The following CPSF4L variants were observed in gnomAD, a reference collection of about 807,000 sequenced individuals.
CPSF4L encodes putative cleavage and polyadenylation specificity factor subunit 4-like protein.
Under a neutral mutation model 24.0 loss-of-function variants are expected in CPSF4L, and 18 were observed. That is an observed-to-expected ratio of 0.75 (90% CI 0.52 to 1.11). The LOEUF (loss-of-function observed/expected upper bound fraction) is 1.11. Among genes scored for constraint, CPSF4L ranks in the 50% least tolerant of loss-of-function variants. CPSF4L has a pLI of 0.00. For synonymous variants in CPSF4L, 72 were observed against 77.2 expected, an observed-to-expected ratio of 0.93 and a Z score of 0.35; for missense variants, 211 against 221.8, an observed-to-expected ratio of 0.95 and a Z score of 0.31.
chr17:73,242,186 T>A, the CPSF4L span: 178 of 1,169,120 alleles, frequency 1.5e-4, no homozygotes, highest in Non-Finnish European at 2.1e-4. Flanking sequence ...GCACTGGATG[T>A]TAGGGAAGGG....
chr17:73,254,526 G>T (rs1239682862), intron 3 of CPSF4L, among the ~76,000 whole-genome samples: 1 of 152,140 alleles, frequency 6.6e-6, no homozygotes, highest in African/African-American at 2.4e-5. Flanking sequence ...CTACAGAGTG[G>T]GCACCTGCAT....
chr17:73,261,656 G>A lies in CPSF4L; in HGVS notation c.103+60C>T, dbSNP rs553542462. 457 of 1,188,948 alleles carry A rather than the reference G, an allele frequency of 3.8e-4. 4 individuals are homozygous for A. In the South Asian group the frequency reaches 4.7e-3, roughly 12 times the overall value. 73.6% of individuals were successfully genotyped at this position (1,188,948 alleles called of 1,614,324 possible). On this transcript the variant is annotated intron_variant, in intron 1 of 5. Coordinates refer to ENST00000344935, the MANE Select transcript of CPSF4L (RefSeq NM_001129885.1). The stretch of plus-strand genomic sequence containing the variant: ...AGCCTGGGCTACAGAGCGAGACTCC[G>A]TCTCAAAGAAAAAAAAACAGAGAAG...
At chr17:73,247,310 G>C, downstream of CPSF4L, 6 of 1,614,138 alleles carry the variant, frequency 3.7e-6, no homozygotes, top group Non-Finnish European at 5.1e-6. Flanking sequence ...AAGACGACTG[G>C]GGATTGCCGC....
intron 3 of CPSF4L, among the ~76,000 whole-genome samples, chr17:73,254,510 A>T (rs1319362086): frequency 6.6e-6 from 1 of 152,234 alleles, no homozygotes; most frequent in Non-Finnish European, 1.5e-5. Flanking sequence ...TATGAAAAGA[A>T]ACATTCTACA....
chr17:73,243,320 A>G, the CPSF4L span: 1 of 359,282 alleles, frequency 2.8e-6, no homozygotes, highest in Non-Finnish European at 5.4e-6. Flanking sequence ...ATGCCCGGCT[A>G]ATTTTGTATT....
At chr17:73,246,840 C>A (rs1300211519), downstream of CPSF4L, among the ~76,000 whole-genome samples, 1 of 152,156 alleles carries the variant, frequency 6.6e-6, no homozygotes, top group South Asian at 2.1e-4. Flanking sequence ...TTCATTGGAA[C>A]CCAGAACAAT....
At chr17:73,247,211 CT>C, downstream of CPSF4L, 1 of 1,601,546 alleles carries the variant, frequency 6.2e-7, no homozygotes, top group Non-Finnish European at 8.6e-7. Context: ...CCCTGAAAAG[CT>C]GAAAATATTT....
chr17:73,247,444 C>T, downstream of CPSF4L: 2 of 1,147,712 alleles, frequency 1.7e-6, no homozygotes, highest in Non-Finnish European at 2.6e-6. Flanking sequence ...GTAGTGGTAG[C>T]ATTAAGGGAT....
At chr17:73,260,232 G>A (rs1457845416) in intron 2 of CPSF4L, among the ~76,000 whole-genome samples, 3 of 152,134 alleles carry the variant, frequency 2.0e-5, no homozygotes, top group Non-Finnish European at 2.9e-5. Context: ...TCTTCTAGCT[G>A]GGAGGAAATC....
At chr17:73,250,030 A>G (rs1318554611) in intron 5 of CPSF4L, 2 of 463,432 alleles carry the variant, frequency 4.3e-6, no homozygotes, top group Non-Finnish European at 7.6e-6. Flanking sequence ...CGTTTTATGG[A>G]TAACTCGTTC....
chr17:73,259,567 T>C (rs1265387901), intron 2 of CPSF4L, among the ~76,000 whole-genome samples: 6 of 151,938 alleles, frequency 3.9e-5, no homozygotes, highest in Admixed American at 6.6e-5. Flanking sequence ...GCTTTCTTTC[T>C]TTGCAGAAGG....
At chr17:73,258,868 A>G (rs574273362) in intron 2 of CPSF4L, among the ~76,000 whole-genome samples, 2 of 152,290 alleles carry the variant, frequency 1.3e-5, no homozygotes, top group Non-Finnish European at 2.9e-5. Context: ...ATCTTTAAAA[A>G]CATCAAATGT....
chr17:73,253,176 A>G (rs954495213), intron 4 of CPSF4L, among the ~76,000 whole-genome samples: 54 of 152,194 alleles, frequency 3.5e-4, no homozygotes, highest in African/African-American at 1.2e-3. Flanking sequence ...CCTGGGCCAC[A>G]TGGTGAGACC....
chr17:73,247,757 TAGGAAACAACAAA>T (rs386798997), downstream of CPSF4L: 314 of 164,004 alleles, frequency 1.9e-3, 1 homozygote, highest in African/African-American at 7.0e-3. Flanking sequence ...TCACATATAG[TAGGAAACAACAAA>T]AAGTCTCCAC....
At chr17:73,245,256 A>G, downstream of CPSF4L, 2 of 1,583,978 alleles carry the variant, frequency 1.3e-6, no homozygotes, top group Non-Finnish European at 1.7e-6. Context: ...CGACTGCAAT[A>G]CATACTTAAC....
At chr17:73,259,822 G>C (rs2062038718) in intron 2 of CPSF4L, among the ~76,000 whole-genome samples, 1 of 152,168 alleles carries the variant, frequency 6.6e-6, no homozygotes, top group African/African-American at 2.4e-5. Flanking sequence ...AGACTCATTT[G>C]GATCAGAAAA....
intron 5 of CPSF4L, among the ~76,000 whole-genome samples, chr17:73,252,001 A>G (rs564054851): frequency 3.5e-3 from 531 of 152,322 alleles, no homozygotes; most frequent in South Asian, 0.011. Context: ...ACAACCACAT[A>G]TATGTGTCCC....
chr17:73,248,937 A>C (rs998037527), intron 5 of CPSF4L: 1 of 167,114 alleles, frequency 6.0e-6, no homozygotes, highest in African/African-American at 2.4e-5. Flanking sequence ...CTTCATAATA[A>C]AATTATTTGT....
chr17:73,258,094 CCGCCTCCTGGGTTCA>C (rs1230965603), intron 2 of CPSF4L, among the ~76,000 whole-genome samples: 2 of 151,858 alleles, frequency 1.3e-5, no homozygotes, highest in African/African-American at 4.8e-5. Context: ...ACTGCAAGCT[CCGCCTCCTGGGTTCA>C]CGCCATTCTC....
Sources: gnomAD v4.1 joint callset for allele counts (sites outside exome capture counted in the v4.1 genomes callset) on GRCh38, gnomAD v4.1.1 for gene constraint, MANE v1.5 for transcripts, NCBI Gene and HGNC (gene_info 2026-07-23, HGNC 2026-07-21) for gene names.